The following REPS1 variants were observed in gnomAD, a reference collection of about 807,000 sequenced individuals.
REPS1 encodes the protein ralBP1-associated Eps domain-containing protein 1.
REPS1 carries 39 observed loss-of-function variants against 100.9 expected under a neutral mutation model. The ratio of observed to expected loss-of-function variants is 0.39; its 90% CI spans 0.30 to 0.50. REPS1 has a LOEUF of 0.50. REPS1 is among the 20% of genes least tolerant of loss of function. The pLI is 0.86. For synonymous variants in REPS1, 324 were observed against 340.3 expected, an observed-to-expected ratio of 0.95 and a Z score of 0.53; for missense variants, 821 against 968.5, an observed-to-expected ratio of 0.85 and a Z score of 2.02.
At chr6:138,957,529 A>G (rs985954484) in intron 1 of REPS1, among the ~76,000 whole-genome samples, 1 of 152,200 alleles carries the variant, frequency 6.6e-6, no homozygotes, top group Non-Finnish European at 1.5e-5. Flanking sequence ...AAAATATTGA[A>G]GGATGTCATT....
intron 1 of REPS1, among the ~76,000 whole-genome samples, chr6:138,960,094 A>G (rs1783643552): frequency 6.6e-6 from 1 of 152,240 alleles, no homozygotes; most frequent in Admixed American, 6.5e-5. Context: ...GGTATATAAC[A>G]GCCTCTTTGG....
At position 138,915,917 on chromosome 6, in the gene REPS1, T is replaced by C; in HGVS notation, c.1661A>G (p.Gln554Arg). The C allele has an allele frequency of 2.5e-6, 4 of 1,614,084 alleles. No individual in the cohort carries two copies. The highest frequency in any genetic ancestry group is 3.4e-6 in the Non-Finnish European group (4 of 1,179,958). The change falls in exon 14 of 20, where the codon CAG becomes CGG. Residue 554 changes from glutamine to arginine, a missense_variant. Gln to Arg is a conservative substitution (Grantham distance 43, BLOSUM62 1). Around this residue, in one of 3 missense-constraint regions of REPS1, gnomAD observed 757 missense variants for 866.4 expected, o/e 0.87. Transcript: ENST00000450536. ...AGATGATGATCTAGAATGAGAGGGC[T>C]GTGGCCTTGGAGGGGGAGGTGGTGG... ...TAPPPPPPRP[Q>R]PSHSRSSSLD...
At chr6:138,961,949 C>T (rs954477627) in intron 1 of REPS1, among the ~76,000 whole-genome samples, 5 of 152,222 alleles carry the variant, frequency 3.3e-5, no homozygotes, top group Non-Finnish European at 1.5e-5. Flanking sequence ...CTATTCAACT[C>T]TAGCTGACTG....
intron 10 of REPS1, among the ~76,000 whole-genome samples, chr6:138,922,713 T>G (rs764080269): frequency 5.9e-5 from 9 of 152,156 alleles, no homozygotes. Context: ...CAGTTCACAC[T>G]CTGTATATGC....
chr6:138,920,975 G>A (rs1249052435), intron 11 of REPS1, 62 bp downstream of exon 11: 13 of 1,200,274 alleles, frequency 1.1e-5, no homozygotes, highest in Middle Eastern at 3.8e-4. Context: ...AACCTTGACA[G>A]AATAATTACA....
intron 1 of REPS1, among the ~76,000 whole-genome samples, chr6:138,970,861 G>T (rs1784306272): frequency 6.6e-6 from 1 of 152,142 alleles, no homozygotes; most frequent in Admixed American, 6.5e-5. Flanking sequence ...CAGTAGAGAA[G>T]AAATCAGGTC....
At chr6:138,953,879 G>A (rs1472138104) in intron 1 of REPS1, among the ~76,000 whole-genome samples, 1 of 152,124 alleles carries the variant, frequency 6.6e-6, no homozygotes, top group Non-Finnish European at 1.5e-5. Context: ...ATATCAGAGA[G>A]ACACTGCACC....
chr6:138,944,436 A>G (rs550338274), intron 5 of REPS1, 62 bp downstream of exon 5: 5 of 1,532,340 alleles, frequency 3.3e-6, no homozygotes, highest in South Asian at 2.5e-5. Context: ...ATATAAAAAC[A>G]ACGACTGGAG....
intron 1 of REPS1, among the ~76,000 whole-genome samples, chr6:138,976,519 C>T (rs979705764): frequency 3.3e-5 from 5 of 152,192 alleles, no homozygotes; most frequent in African/African-American, 9.6e-5. Context: ...GTCCTGTAGA[C>T]TGAAACTACT....
rs1298156024 is a variant in REPS1 at position 138,988,033 on chromosome 6, G to C, written c.-351C>G. The C allele has an allele frequency of 2.8e-5, 11 of 396,924 alleles. No individual in the cohort carries two copies. Among genetic ancestry groups the C allele is most frequent in the Non-Finnish European group, 4.4e-5 (10 of 225,050 alleles). The allele number at this position is 396,924 out of a possible 1,614,324, so 24.6% of individuals were successfully genotyped here. A position where few individuals can be genotyped will look rare whatever the true frequency, so the allele number is the denominator to read the frequency against. ...CACTGGCGGACTCCGCCCCCGCCGC[G>C]GGTTCGAGTCTCCCCGGCTCCCTGC... On this transcript the variant is annotated 5_prime_UTR_variant, in exon 1 of 20. Coordinates refer to ENST00000450536, the MANE Select transcript of REPS1 (RefSeq NM_001286611.2).
chr6:138,907,476 G>C lies in REPS1; in HGVS notation c.2322+19C>G. The stretch of plus-strand genomic sequence containing the variant: ...TTACTAAGATAAGGAACATTATAAA[G>C]ATTCAGAAACTATATTACCTTTAAT... On this transcript the variant is annotated intron_variant, in intron 19 of 19. Coordinates refer to ENST00000450536, the MANE Select transcript of REPS1 (RefSeq NM_001286611.2). The C allele has an allele frequency of 6.4e-7, 1 of 1,552,274 alleles. No individual in the cohort carries two copies. Among genetic ancestry groups the C allele is most frequent in the African/African-American group, 1.4e-5 (1 of 73,676 alleles).
In REPS1 at chr6:138,933,900, TAA is replaced by T. The variant is rs536319595; in HGVS notation, c.1136-3804_1136-3803del. Among the ~76,000 whole-genome samples the T allele has an allele frequency of 4.5e-3, 685 of 152,234 alleles. 4 individuals are homozygous for T. Among genetic ancestry groups the T allele is most frequent in the African/African-American group, 0.016 (666 of 41,568 alleles). On this transcript the variant is annotated intron_variant, in intron 8 of 19. Coordinates refer to ENST00000450536, the MANE Select transcript of REPS1 (RefSeq NM_001286611.2). ...GAATGCCTAAAGGGGTCTTAAGATTTAAAAGTTTGTTCCACATTGAAATAAAC... is the reference window on the plus strand; with the variant it reads ...GAATGCCTAAAGGGGTCTTAAGATTTAAGTTTGTTCCACATTGAAATAAAC...
chr6:138,951,361 A>C (rs539892553), intron 1 of REPS1, among the ~76,000 whole-genome samples: 3 of 150,682 alleles, frequency 2.0e-5, no homozygotes, highest in Non-Finnish European at 4.5e-5. Context: ...TGGTCCATTA[A>C]TAAGTATATC....
chr6:138,986,725 T>C (rs939682198), intron 1 of REPS1, among the ~76,000 whole-genome samples: 1 of 152,188 alleles, frequency 6.6e-6, no homozygotes, highest in East Asian at 1.9e-4. Flanking sequence ...GTAGCATTAA[T>C]GCTCACCACA....
At chr6:138,955,317 GCA>G (rs997137153) in intron 1 of REPS1, among the ~76,000 whole-genome samples, 4 of 151,796 alleles carry the variant, frequency 2.6e-5, no homozygotes, top group African/African-American at 7.3e-5. Flanking sequence ...GGGTGTGATG[GCA>G]CACCTGTAGT....
At chr6:138,969,435 C>CCACT (rs1413411941) in intron 1 of REPS1, among the ~76,000 whole-genome samples, 4 of 150,480 alleles carry the variant, frequency 2.7e-5, no homozygotes, top group African/African-American at 9.8e-5. Context: ...CAGGCACACA[C>CCACT]CACTGCAGCT....
At chr6:138,974,632 T>C (rs1340677179) in intron 1 of REPS1, among the ~76,000 whole-genome samples, 1 of 152,176 alleles carries the variant, frequency 6.6e-6, no homozygotes, top group Non-Finnish European at 1.5e-5. Flanking sequence ...TCCACACCCA[T>C]ATGGCCTTCC....
At chr6:138,931,388 C>T (rs1331021274) in intron 8 of REPS1, among the ~76,000 whole-genome samples, 2 of 152,100 alleles carry the variant, frequency 1.3e-5, no homozygotes, top group African/African-American at 2.4e-5. Context: ...CCTTTACTGC[C>T]ATTTTCCTAA....
chr6:138,951,648 T>C (rs1421614765), intron 1 of REPS1, among the ~76,000 whole-genome samples: 3 of 152,312 alleles, frequency 2.0e-5, no homozygotes, highest in Middle Eastern at 3.4e-3. Flanking sequence ...ATACTTTAAA[T>C]AGATTAGGAA....
Sources: allele counts gnomAD v4.1 joint callset (sites outside exome capture counted in the v4.1 genomes callset), GRCh38; gene constraint gnomAD v4.1.1; regional missense constraint gnomAD v4.1.1; transcripts MANE v1.5; gene names NCBI Gene and HGNC (gene_info 2026-07-23, HGNC 2026-07-21).